WWC1: variants seen among roughly 807,000 people sequenced by gnomAD.
WWC1 encodes protein KIBRA.
Under a neutral mutation model 138.4 loss-of-function variants are expected in WWC1, and 55 were observed. The observed-to-expected ratio is 0.40, with a 90% CI of 0.32 to 0.50. The LOEUF is 0.50. Ranked by LOEUF, WWC1 falls within the 20% of genes least tolerant of loss-of-function variation. WWC1 has a pLI of 0.72. For synonymous variants in WWC1, 524 were observed against 564.9 expected, an observed-to-expected ratio of 0.93 and a Z score of 1.03; for missense variants, 1,226 against 1,420.4, an observed-to-expected ratio of 0.86 and a Z score of 2.20.
chr5:168,340,816 A>G (rs933714429), intron 1 of WWC1, among the ~76,000 whole-genome samples: 7 of 152,198 alleles, frequency 4.6e-5, no homozygotes, highest in African/African-American at 1.7e-4. Flanking sequence ...AAACTTTTGC[A>G]TGTACATACA....
At chr5:168,322,176 G>GTCAC in intron 1 of WWC1, among the ~76,000 whole-genome samples, 1 of 152,120 alleles carries the variant, frequency 6.6e-6, no homozygotes, top group Middle Eastern at 3.4e-3. Flanking sequence ...GCTCTTAGGA[G>GTCAC]TCACTGTCTG....
chr5:168,436,451 G>T (rs1175961332), intron 15 of WWC1, among the ~76,000 whole-genome samples: 1 of 152,044 alleles, frequency 6.6e-6, no homozygotes, highest in Non-Finnish European at 1.5e-5. Context: ...TCATTTCCTT[G>T]GTGATCTCAT....
At chr5:168,385,534 C>T (rs1777979095) in intron 3 of WWC1, 120 bp downstream of exon 3, 6 of 1,025,854 alleles carry the variant, frequency 5.8e-6, no homozygotes, top group African/African-American at 1.6e-5. Context: ...TTTGTCCAAA[C>T]CACCATCTTG....
At chr5:168,355,519 A>AC (rs1775334017) in intron 1 of WWC1, among the ~76,000 whole-genome samples, 9 of 142,944 alleles carry the variant, frequency 6.3e-5, no homozygotes, top group African/African-American at 2.1e-4. Flanking sequence ...AAAAAAAAAA[A>AC]CAGCATTTCA....
At position 168,403,871 on chromosome 5, in the gene WWC1, T is replaced by TAGACAC. The variant is rs1244295959; in HGVS notation, c.591-2326_591-2325insGACACA. ...ATTTGGAAATCCTAAAACACATGCA[T>TAGACAC]ACACACACACACACACACACACACA... is the stretch of plus-strand genomic sequence containing the variant. On this transcript the variant is annotated intron_variant, in intron 5 of 22. Coordinates refer to ENST00000265293, the MANE Select transcript of WWC1 (RefSeq NM_015238.3). Among the ~76,000 whole-genome samples, 69 of 134,436 alleles carry TAGACAC rather than the reference T, an allele frequency of 5.1e-4. 1 individual carries two copies. Among genetic ancestry groups the TAGACAC allele is most frequent in the East Asian group, 9.1e-4 (4 of 4,394 alleles). The allele number at this position is 134,436 out of a possible 152,430, so 88.2% of individuals were successfully genotyped here.
intron 9 of WWC1, among the ~76,000 whole-genome samples, chr5:168,419,066 C>T (rs919934021): frequency 6.6e-6 from 1 of 152,140 alleles, no homozygotes; most frequent in Non-Finnish European, 1.5e-5. Context: ...AACACTTTTC[C>T]GTTGTGTTTA....
intron 5 of WWC1, among the ~76,000 whole-genome samples, chr5:168,404,243 GCC>G (rs1473637015): frequency 6.6e-6 from 1 of 152,220 alleles, no homozygotes; most frequent in East Asian, 1.9e-4. Context: ...ACTCCCTGCA[GCC>G]CCTATGCCCA....
intron 8 of WWC1, among the ~76,000 whole-genome samples, chr5:168,410,744 C>G (rs1780163060): frequency 6.6e-6 from 1 of 151,818 alleles, no homozygotes; most frequent in African/African-American, 2.4e-5. Flanking sequence ...CATGCATCTT[C>G]TCATTTAATT....
intron 17 of WWC1, among the ~76,000 whole-genome samples, chr5:168,453,548 CT>C (rs1016070023): frequency 1.3e-5 from 2 of 151,200 alleles, no homozygotes; most frequent in Non-Finnish European, 3.0e-5. Flanking sequence ...CATTAACAAT[CT>C]TTTTTTTTGT....
intron 1 of WWC1, among the ~76,000 whole-genome samples, chr5:168,370,885 A>G (rs1278665257): frequency 6.6e-6 from 1 of 152,232 alleles, no homozygotes; most frequent in Admixed American, 6.5e-5. Flanking sequence ...TCAAGAGGAA[A>G]ATAAATACTG....
intron 2 of WWC1, among the ~76,000 whole-genome samples, chr5:168,374,014 C>A (rs559224307): frequency 1.3e-5 from 2 of 148,486 alleles, no homozygotes; most frequent in East Asian, 4.0e-4. Flanking sequence ...CCACTGCACT[C>A]CAGCCTGGGC....
intron 2 of WWC1, among the ~76,000 whole-genome samples, chr5:168,374,783 G>A (rs1192505574): frequency 6.6e-6 from 1 of 152,202 alleles, no homozygotes; most frequent in Non-Finnish European, 1.5e-5. Flanking sequence ...GGAGACTTGT[G>A]AGCGACAAAT....
chr5:168,359,030 T>G lies in WWC1; in HGVS notation c.120-12394T>G, dbSNP rs1031362878. Among the ~76,000 whole-genome samples the G allele has an allele frequency of 1.0e-4, 10 of 99,376 alleles. No homozygotes were observed. The South Asian group carries it at 3.2e-3, about 32-fold the overall frequency. The allele number at this position is 99,376 out of a possible 152,430, so 65.2% of individuals were successfully genotyped here. On this transcript the variant is annotated intron_variant, in intron 1 of 22. Transcript: ENST00000265293. ...TGGTTTTTGTTGTTGTTGGTGGTGG[T>G]GGGGTGTGTGTGTGTGTGTGTGTGT...
intron 19 of WWC1, among the ~76,000 whole-genome samples, chr5:168,457,282 G>A (rs1756423678): frequency 6.6e-6 from 1 of 151,536 alleles, no homozygotes; most frequent in African/African-American, 2.4e-5. Flanking sequence ...ACAACATTGT[G>A]AAAATTTTCC....
At chr5:168,468,287 C>A (rs10037130) in intron 22 of WWC1, among the ~76,000 whole-genome samples, 2,823 of 152,240 alleles carry the variant, frequency 0.019, 90 homozygotes, top group African/African-American at 0.064. Flanking sequence ...GATAAATAAA[C>A]CTAGGGGTGA....
In WWC1 at chr5:168,298,867, T is replaced by C. The variant is rs560793283; in HGVS notation, c.119+6596T>C. On this transcript the variant is annotated intron_variant, in intron 1 of 22. Transcript: ENST00000265293. ...GGGAGGTCGAGGTGGGTGGATCACC[T>C]GAGGTCAGGAGTTCAAGACCAGCCT... Among the ~76,000 whole-genome samples the C allele has an allele frequency of 2.0e-5, 3 of 152,260 alleles. No homozygotes were observed. The South Asian group carries it at 6.2e-4, about 32-fold the overall frequency.
chr5:168,345,479 A>G (rs1774389730), intron 1 of WWC1, among the ~76,000 whole-genome samples: 1 of 152,184 alleles, frequency 6.6e-6, no homozygotes, highest in Non-Finnish European at 1.5e-5. Context: ...TTACCTGAGT[A>G]ACTCAGCCAT....
chr5:168,324,060 A>G (rs564077248), intron 1 of WWC1, among the ~76,000 whole-genome samples: 2 of 152,376 alleles, frequency 1.3e-5, no homozygotes, highest in South Asian at 4.1e-4. Context: ...TAAAATGAAG[A>G]TAAAATCCAA....
At chr5:168,335,054 A>T (rs1773346901) in intron 1 of WWC1, among the ~76,000 whole-genome samples, 2 of 152,212 alleles carry the variant, frequency 1.3e-5, no homozygotes, top group African/African-American at 4.8e-5. Flanking sequence ...AAAAAAAATA[A>T]GATAAAAGGT....
Sources: gnomAD v4.1 joint callset for allele counts (sites outside exome capture counted in the v4.1 genomes callset) on GRCh38, gnomAD v4.1.1 for gene constraint, MANE v1.5 for transcripts, NCBI Gene and HGNC (gene_info 2026-07-23, HGNC 2026-07-21) for gene names.